The following KMT2A variants were observed in gnomAD, a reference collection of about 807,000 sequenced individuals.
KMT2A encodes lysine methyltransferase 2A.
KMT2A carries 16 observed loss-of-function variants against 345.3 expected under a neutral mutation model. The ratio of observed to expected loss-of-function variants is 0.05; its 90% CI spans 0.03 to 0.07. The LOEUF (loss-of-function observed/expected upper bound fraction) is 0.07. Among genes scored for constraint, KMT2A ranks in the 10% least tolerant of loss-of-function variants. KMT2A has a pLI of 1.00. For missense variants in KMT2A, 3,272 were observed against 4,841.6 expected, an observed-to-expected ratio of 0.68 and a Z score of 9.62; for synonymous variants, 1,599 against 1,778.6, an observed-to-expected ratio of 0.90 and a Z score of 2.54.
At position 118,498,697 on chromosome 11, in the gene KMT2A, G is replaced by A. The variant is rs1950450287; in HGVS notation, c.5961+169G>A. The stretch of plus-strand genomic sequence containing the variant: ...CATCCCCCACCAGAGTGGTGCATTT[G>A]TTACAGTGGATAAACCTACACTGGA... On this transcript the variant is annotated intron_variant, in intron 22 of 35. Transcript: ENST00000534358. The surrounding 1 kb of genome is among the most constrained non-coding windows in gnomAD (Gnocchi z 4.4). Among the ~76,000 whole-genome samples the A allele has an allele frequency of 6.6e-6, 1 of 152,096 alleles. No homozygotes were observed. Among genetic ancestry groups the A allele is most frequent in the African/African-American group, 2.4e-5 (1 of 41,392 alleles).
chr11:118,513,953 A>AAAAAAAG (rs1950747450), intron 31 of KMT2A, among the ~76,000 whole-genome samples: 1 of 151,114 alleles, frequency 6.6e-6, no homozygotes, highest in Non-Finnish European at 1.5e-5. Context: ...AAAAAAAAAA[A>AAAAAAAG]AAAAAGAAAA....
chr11:118,500,459 G>C (rs577942705), intron 24 of KMT2A, among the ~76,000 whole-genome samples: 42 of 152,286 alleles, frequency 2.8e-4, no homozygotes, highest in Non-Finnish European at 5.6e-4. Context: ...AACTTACTCT[G>C]TATTCCTATT....
chr11:118,507,578 T>G lies in KMT2A; in HGVS notation c.10804T>G (p.Ser3602Ala), dbSNP rs781920014. ...GCAGGATACAGCTAGCGTGGAGCAG[T>G]CCTCCCAGAAGGAGTGTGGGCAACC... is the stretch of plus-strand genomic sequence containing the variant. Reference protein sequence around the residue: ...EQQDTASVEQSSQKECGQPAG... With the variant: ...EQQDTASVEQASQKECGQPAG... Residue 3602 changes from serine to alanine, a missense_variant, in exon 28 of 36, where the codon TCC (serine) becomes GCC (alanine). Around this residue, in one of 27 missense-constraint regions of KMT2A, gnomAD observed 748 missense variants for 922.2 expected, o/e 0.81. Coordinates refer to ENST00000534358, the MANE Select transcript of KMT2A (RefSeq NM_001197104.2). The G allele has an allele frequency of 6.2e-7, 1 of 1,614,136 alleles. No individual in the cohort carries two copies. The highest frequency in any genetic ancestry group is 8.5e-7 in the Non-Finnish European group (1 of 1,179,988).
intron 11 of KMT2A, 101 bp from the exon 12 acceptor site, chr11:118,489,691 C>A: frequency 1.2e-6 from 1 of 862,856 alleles, no homozygotes; most frequent in Non-Finnish European, 1.9e-6. Context: ...TAATTGTGTG[C>A]TGTACTTACT....
intron 1 of KMT2A, among the ~76,000 whole-genome samples, chr11:118,455,834 A>T (rs1555030660): frequency 6.6e-6 from 1 of 151,214 alleles, no homozygotes; most frequent in Non-Finnish European, 1.5e-5. Context: ...AGTAGTTGAG[A>T]CTACACCACA....
rs189568282 is a variant in KMT2A, at chr11:118,465,612, G to A, written c.433-3163G>A. ...AAGATTACATAGTCTGAGAGAATCA[G>A]ACTGAGACCCTAAACCAACCCTTCT... On this transcript the variant is annotated intron_variant, in intron 1 of 35. Transcript: ENST00000534358. Among the ~76,000 whole-genome samples, 437 of 152,226 alleles carry A rather than the reference G, an allele frequency of 2.9e-3. 1 individual carries two copies. The highest frequency in any genetic ancestry group is 4.5e-3 in the Non-Finnish European group (309 of 68,026).
At chr11:118,464,815 G>C (rs1037634065) in intron 1 of KMT2A, among the ~76,000 whole-genome samples, 1 of 152,202 alleles carries the variant, frequency 6.6e-6, no homozygotes, top group Non-Finnish European at 1.5e-5. Context: ...TAAGAGCAAA[G>C]GTCATGGCAA....
intron 1 of KMT2A, among the ~76,000 whole-genome samples, chr11:118,442,903 A>G (rs574253929): frequency 6.6e-6 from 1 of 152,302 alleles, no homozygotes; most frequent in African/African-American, 2.4e-5. Flanking sequence ...TTTATTAAGA[A>G]AAAGGAATCT....
chr11:118,498,664 A>C lies in KMT2A; in HGVS notation c.5961+136A>C. The C allele has an allele frequency of 1.3e-6, 1 of 785,134 alleles. No homozygotes were observed. The highest frequency in any genetic ancestry group is 2.0e-6 in the Non-Finnish European group (1 of 508,014). 48.6% of individuals were successfully genotyped at this position (785,134 alleles called of 1,614,324 possible). On this transcript the variant is annotated intron_variant, in intron 22 of 35. Coordinates refer to ENST00000534358, the MANE Select transcript of KMT2A (RefSeq NM_001197104.2). This position sits in a 1 kb window ranked among gnomAD's most constrained non-coding sequence, Gnocchi z 4.4. The stretch of plus-strand genomic sequence containing the variant: ...CACCCACATATGCACAGCCTCCCCC[A>C]TGATCAGCATCCCCCACCAGAGTGG...
chr11:118,480,135 A>T (rs782732945), intron 5 of KMT2A, 39 bp from the exon 6 acceptor site: 1 of 1,514,202 alleles, frequency 6.6e-7, no homozygotes, highest in South Asian at 1.1e-5. Context: ...TTTTCTTCTA[A>T]ATTTAATTTG....
intron 2 of KMT2A, among the ~76,000 whole-genome samples, chr11:118,470,010 TTTTG>T (rs1949916178): frequency 6.6e-6 from 1 of 152,150 alleles, no homozygotes; most frequent in African/African-American, 2.4e-5. Flanking sequence ...CATCTGGGAT[TTTTG>T]TTTGTTTGTT....
chr11:118,440,720 G>A (rs1197880735), intron 1 of KMT2A, among the ~76,000 whole-genome samples: 2 of 151,738 alleles, frequency 1.3e-5, no homozygotes, highest in Non-Finnish European at 2.9e-5. Flanking sequence ...GACTGAGACA[G>A]GCTTTTGGAT....
At chr11:118,488,527 A>G (rs1555041545) in intron 10 of KMT2A, 87 bp from the exon 11 acceptor site, 2 of 1,454,958 alleles carry the variant, frequency 1.4e-6, no homozygotes, top group Non-Finnish European at 1.9e-6. Flanking sequence ...GACTACTAAA[A>G]CCCAAAGTAT....
intron 1 of KMT2A, chr11:118,438,981 GATT>G (rs781848035): frequency 6.5e-6 from 3 of 464,382 alleles, no homozygotes; most frequent in South Asian, 4.6e-5. Context: ...GGTTGCTGTA[GATT>G]ATTATTTTTT....
chr11:118,507,911 T>C (rs527627532), intron 28 of KMT2A: 10 of 297,544 alleles, frequency 3.4e-5, no homozygotes, highest in African/African-American at 8.5e-5. Flanking sequence ...TGCAGTGAGC[T>C]GAGATCGCGC....
At chr11:118,447,468 A>G (rs535588825) in intron 1 of KMT2A, among the ~76,000 whole-genome samples, 9 of 152,350 alleles carry the variant, frequency 5.9e-5, no homozygotes, top group Non-Finnish European at 5.9e-5. Flanking sequence ...AGTATGGCAA[A>G]GGAAAGCACA....
In KMT2A at chr11:118,526,506, A is replaced by AT; in HGVS notation, c.*4340dup. The AT allele has an allele frequency of 4.3e-6, 1 of 230,270 alleles. No homozygotes were observed. The highest frequency in any genetic ancestry group is 8.6e-6 in the Non-Finnish European group (1 of 116,396). 14.3% of individuals were successfully genotyped at this position (230,270 alleles called of 1,614,324 possible). ...CAAGCTTCTTTTCTAGAAATAAGAC[A>AT]TTTTTTGACAACTTTATCATGTATA... On this transcript the variant is annotated 3_prime_UTR_variant, in exon 36 of 36. Transcript: ENST00000534358.
At chr11:118,499,794 G>C (rs371789726) in intron 23 of KMT2A, 41 bp from the exon 24 acceptor site, 3 of 1,419,474 alleles carry the variant, frequency 2.1e-6, no homozygotes, top group East Asian at 4.6e-5. Flanking sequence ...ATAAAATGAC[G>C]CTCATAATCT....
chr11:118,473,187 C>G lies in KMT2A; in HGVS notation c.2028C>G (p.Ala676=), dbSNP rs1555036285. The G allele has an allele frequency of 6.2e-7, 1 of 1,613,816 alleles. No homozygotes were observed. The highest frequency in any genetic ancestry group is 1.7e-5 in the Admixed American group (1 of 59,994). The stretch of plus-strand genomic sequence containing the variant: ...CTGCATCTGGTACCGCTGCTTCAGC[C>G]CGATTGTTTTCGCCACTCCATTCTG... ...GFSASGTAAS[A]RLFSPLHSGT... is the part of the protein sequence containing the mutation. The change falls in exon 3 of 36, where the codon GCC becomes GCG. Residue 676 remains alanine, a synonymous_variant. Coordinates refer to ENST00000534358, the MANE Select transcript of KMT2A (RefSeq NM_001197104.2). This position sits in a 1 kb window ranked among gnomAD's most constrained non-coding sequence, Gnocchi z 5.2.
Sources: gnomAD v4.1 joint callset for allele counts (sites outside exome capture counted in the v4.1 genomes callset) on GRCh38, gnomAD v4.1.1 for gene constraint, gnomAD v4.1.1 regional missense constraint, Gnocchi (gnomAD v3.1) non-coding constraint, MANE v1.5 for transcripts, NCBI Gene and HGNC (gene_info 2026-07-23, HGNC 2026-07-21) for gene names.